The following PM20D2 variants were observed in gnomAD, a reference collection of about 807,000 sequenced individuals.
The protein encoded by PM20D2 is xaa-Arg dipeptidase.
Under a neutral mutation model 42.9 loss-of-function variants are expected in PM20D2, and 33 were observed. The observed-to-expected ratio is 0.77, with a 90% CI of 0.58 to 1.03. PM20D2 has a LOEUF of 1.03. Ranked by LOEUF, PM20D2 falls within the 50% of genes least tolerant of loss-of-function variation. The pLI is 0.00. For synonymous variants in PM20D2, 250 were observed against 228.2 expected (o/e 1.10, Z -0.86); for missense variants, 548 against 557.0 (o/e 0.98, Z 0.16).
the PM20D2 span, among the ~76,000 whole-genome samples, chr6:89,124,162 A>G: frequency 6.6e-6 from 1 of 152,244 alleles, no homozygotes; most frequent in Non-Finnish European, 1.5e-5. Context: ...TGTTGAAGAC[A>G]TACTGGCACA....
the PM20D2 span, chr6:89,095,901 A>G: frequency 2.6e-5 from 4 of 152,244 alleles, no homozygotes; most frequent in African/African-American, 4.8e-5. Flanking sequence ...CCCCTGCACT[A>G]AACTTGGGAA....
intron 2 of PM20D2, among the ~76,000 whole-genome samples, chr6:89,149,916 G>A (rs1207144602): frequency 6.6e-6 from 1 of 152,176 alleles, no homozygotes; most frequent in Non-Finnish European, 1.5e-5. Flanking sequence ...TTTCCGATTT[G>A]TCTGGTGCTG....
At chr6:89,117,303 C>T in the PM20D2 span, among the ~76,000 whole-genome samples, 34 of 152,348 alleles carry the variant, frequency 2.2e-4, no homozygotes, top group Middle Eastern at 3.4e-3. Flanking sequence ...GCAAGCAGCA[C>T]CGTCTGTAAG....
chr6:89,143,822 G>C (rs1406828532), upstream of PM20D2, among the ~76,000 whole-genome samples: 1 of 152,178 alleles, frequency 6.6e-6, no homozygotes, highest in East Asian at 1.9e-4. Flanking sequence ...TCCACATAAA[G>C]GACTGAGAAG....
At chr6:89,137,937 T>G in the PM20D2 span, among the ~76,000 whole-genome samples, 1 of 152,194 alleles carries the variant, frequency 6.6e-6, no homozygotes, top group Non-Finnish European at 1.5e-5. Flanking sequence ...TTTTAGGCCT[T>G]TTATTCACAT....
intron 5 of PM20D2, 145 bp downstream of exon 5, chr6:89,158,605 A>G (rs1771131637): frequency 1.2e-6 from 1 of 848,476 alleles, no homozygotes; most frequent in Non-Finnish European, 1.8e-6. Context: ...GTTAGGGGAA[A>G]GAAACTAATG....
the PM20D2 span, chr6:89,098,392 AG>A: frequency 3.2e-5 from 19 of 600,010 alleles, no homozygotes; most frequent in African/African-American, 3.4e-4. Flanking sequence ...CATAATTTGT[AG>A]TGTGGGCCCT....
upstream of PM20D2, among the ~76,000 whole-genome samples, chr6:89,141,840 T>G (rs749058829): frequency 6.6e-6 from 1 of 152,224 alleles, no homozygotes; most frequent in Admixed American, 6.5e-5. Context: ...AGTCTCACTC[T>G]GTTGCCCAGA....
Position 89,155,534 on chromosome 6 carries a change from C to T in PM20D2, c.912+632C>T, listed in dbSNP as rs545069602. ...CAAACTCCTGAGCTCAAGTGATCCA[C>T]CCACCTCGGCCTTCTAAAGTGCTGG... On this transcript the variant is annotated intron_variant, in intron 4 of 6. Transcript: ENST00000275072. Among the ~76,000 whole-genome samples, 15 of 152,082 alleles carry T rather than the reference C, an allele frequency of 9.9e-5. No individual in the cohort carries two copies. In the South Asian group the frequency reaches 3.1e-3, roughly 32 times the overall value.
intron 4 of PM20D2, 104 bp from the exon 5 acceptor site, chr6:89,158,221 C>G (rs1310165434): frequency 9.9e-7 from 1 of 1,011,242 alleles, no homozygotes; most frequent in African/African-American, 1.6e-5. Flanking sequence ...GGGAAAGTAT[C>G]TTCTCTTAAA....
At chr6:89,157,014 C>T (rs1049216166) in intron 4 of PM20D2, among the ~76,000 whole-genome samples, 2 of 152,076 alleles carry the variant, frequency 1.3e-5, no homozygotes. Context: ...TATCATTAGG[C>T]AATATCTCAA....
the PM20D2 span, among the ~76,000 whole-genome samples, chr6:89,109,053 G>T: frequency 6.6e-6 from 1 of 152,084 alleles, no homozygotes; most frequent in South Asian, 2.1e-4. Context: ...CCTACCATGT[G>T]CCAGGCTCTA....
the PM20D2 span, chr6:89,117,719 C>G: frequency 8.4e-7 from 1 of 1,183,640 alleles, no homozygotes; most frequent in South Asian, 1.9e-5. Flanking sequence ...GGGGAGGCTC[C>G]GCGCAGCTCC....
chr6:89,144,042 G>T (rs78812701), upstream of PM20D2, among the ~76,000 whole-genome samples: 2 of 152,078 alleles, frequency 1.3e-5, no homozygotes, highest in South Asian at 4.1e-4. Flanking sequence ...GAAGATAAAC[G>T]GTCAGCAAGT....
At chr6:89,114,854 TG>T in the PM20D2 span, among the ~76,000 whole-genome samples, 2 of 152,152 alleles carry the variant, frequency 1.3e-5, no homozygotes, top group African/African-American at 2.4e-5. Flanking sequence ...TGGAGTGCAA[TG>T]GTACTATCTC....
chr6:89,137,465 T>A, the PM20D2 span, among the ~76,000 whole-genome samples: 1 of 152,232 alleles, frequency 6.6e-6, no homozygotes, highest in Admixed American at 6.5e-5. Flanking sequence ...TATTTTGGTT[T>A]AGCAACTACA....
chr6:89,121,300 G>A, the PM20D2 span, among the ~76,000 whole-genome samples: 272 of 152,206 alleles, frequency 1.8e-3, 1 homozygote, highest in African/African-American at 6.3e-3. Context: ...ATTTGAGGCA[G>A]CTAGTGTAAA....
the PM20D2 span, among the ~76,000 whole-genome samples, chr6:89,126,668 TAAAAA>T: frequency 2.9e-5 from 3 of 104,662 alleles, no homozygotes; most frequent in East Asian, 2.7e-4. Flanking sequence ...AGACTCCATC[TAAAAA>T]AAAAAAAAAA....
chr6:89,159,804 G>T (rs1417168487), intron 5 of PM20D2, among the ~76,000 whole-genome samples: 1 of 152,170 alleles, frequency 6.6e-6, no homozygotes, highest in Non-Finnish European at 1.5e-5. Flanking sequence ...GTTGTCCAGG[G>T]ACATCAGAGT....
Sources: allele counts gnomAD v4.1 joint callset (sites outside exome capture counted in the v4.1 genomes callset), GRCh38; gene constraint gnomAD v4.1.1; transcripts MANE v1.5; gene names NCBI Gene and HGNC (gene_info 2026-07-23, HGNC 2026-07-21).